FGFR1OP2: variants seen among roughly 807,000 people sequenced by gnomAD.
FGFR1OP2 encodes fibroblast growth factor receptor 1 oncogene partner 2.
A neutral mutation model predicts 35.2 loss-of-function variants in FGFR1OP2; 17 were observed. The ratio of observed to expected loss-of-function variants is 0.48; its 90% CI spans 0.33 to 0.73. The LOEUF (loss-of-function observed/expected upper bound fraction) is 0.73, where lower values mean the gene tolerates loss of function less well. Ranked by LOEUF, FGFR1OP2 falls within the 30% of genes least tolerant of loss-of-function variation. FGFR1OP2 has a pLI of 0.02. For missense variants in FGFR1OP2, 251 were observed against 307.3 expected, an observed-to-expected ratio of 0.82 and a Z score of 1.37; for synonymous variants, 105 against 104.6, an observed-to-expected ratio of 1.00 and a Z score of -0.03.
chr12:26,960,425 C>T (rs1319746921), intron 4 of FGFR1OP2, 90 bp from the exon 5 acceptor site: 1 of 748,416 alleles, frequency 1.3e-6, no homozygotes, highest in Non-Finnish European at 1.9e-6. Context: ...ACATTTCAAA[C>T]AGTTGGCTAA....
intron 5 of FGFR1OP2, 184 bp downstream of exon 5, chr12:26,960,812 C>A: frequency 1.0e-6 from 1 of 956,058 alleles, no homozygotes; most frequent in Non-Finnish European, 1.4e-6. Context: ...CATTAATTTT[C>A]TGTGTATTGT....
intron 1 of FGFR1OP2, among the ~76,000 whole-genome samples, chr12:26,948,538 T>C (rs1016300704): frequency 3.3e-5 from 5 of 152,234 alleles, no homozygotes; most frequent in African/African-American, 7.2e-5. Context: ...ATGAGTAATA[T>C]GTCATTTTTC....
intron 1 of FGFR1OP2, chr12:26,953,619 G>A (rs1938972915): frequency 6.6e-6 from 1 of 152,180 alleles, no homozygotes; most frequent in South Asian, 2.1e-4. Context: ...AAGAGGTTGA[G>A]ACTTTAATGT....
intron 1 of FGFR1OP2, among the ~76,000 whole-genome samples, chr12:26,946,897 T>C (rs1938833502): frequency 6.6e-6 from 1 of 152,178 alleles, no homozygotes; most frequent in African/African-American, 2.4e-5. Context: ...TGGATTTGCC[T>C]CTTTTGGACA....
chr12:26,956,494 A>G (rs547781993), intron 2 of FGFR1OP2, 49 bp from the exon 3 acceptor site: 1 of 422,724 alleles, frequency 2.4e-6, no homozygotes, highest in Admixed American at 4.2e-5. Context: ...ATATATATAT[A>G]TATATATTTG....
At chr12:26,958,530 ATG>A (rs993370328) in intron 4 of FGFR1OP2, among the ~76,000 whole-genome samples, 1 of 152,222 alleles carries the variant, frequency 6.6e-6, no homozygotes, top group African/African-American at 2.4e-5. Flanking sequence ...CAGACTATAA[ATG>A]ATCTTGTTTA....
intron 3 of FGFR1OP2, 132 bp downstream of exon 3, chr12:26,956,792 A>G (rs982406056): frequency 9.8e-6 from 4 of 409,818 alleles, no homozygotes; most frequent in Non-Finnish European, 1.8e-5. Context: ...CACCCTTAAT[A>G]TCCAGTTAGC....
chr12:26,950,088 G>A (rs1938894224), intron 1 of FGFR1OP2, among the ~76,000 whole-genome samples: 1 of 151,822 alleles, frequency 6.6e-6, no homozygotes, highest in Admixed American at 6.6e-5. Context: ...TTTAGTCAAA[G>A]CATCCCGCTT....
chr12:26,953,654 G>T (rs892698298), intron 1 of FGFR1OP2: 1 of 152,120 alleles, frequency 6.6e-6, no homozygotes, highest in African/African-American at 2.4e-5. Flanking sequence ...AGGCCACTTC[G>T]GCTGGTCAGC....
intron 5 of FGFR1OP2, chr12:26,963,118 T>C: frequency 2.9e-6 from 1 of 350,678 alleles, no homozygotes; most frequent in Non-Finnish European, 5.1e-6. Flanking sequence ...TGCTGCTAGG[T>C]TTAGTTATAT....
chr12:26,957,845 C>T, intron 4 of FGFR1OP2, 102 bp downstream of exon 4: 1 of 902,406 alleles, frequency 1.1e-6, no homozygotes, highest in Non-Finnish European at 1.6e-6. Flanking sequence ...CTAGTAATGG[C>T]ATTTTAACAT....
intron 1 of FGFR1OP2, among the ~76,000 whole-genome samples, chr12:26,949,122 AT>A (rs1272959826): frequency 1.3e-5 from 2 of 152,198 alleles, no homozygotes; most frequent in Admixed American, 1.3e-4. Context: ...TTAGTCGTTG[AT>A]TCACCATTAC....
In FGFR1OP2 at chr12:26,966,184, A is replaced by T. The variant is rs1939176975; in HGVS notation, c.*1451A>T. On this transcript the variant is annotated 3_prime_UTR_variant, in exon 7 of 7. Coordinates refer to ENST00000229395, the MANE Select transcript of FGFR1OP2 (RefSeq NM_015633.3). ...ATAGAAAAGGGCTAATGGCCCAAAC[A>T]TTATATAGATTTCTTTTTTTCAGTC... The T allele has an allele frequency of 1.3e-5, 2 of 152,074 alleles. No individual in the cohort carries two copies. The highest frequency in any genetic ancestry group is 2.9e-5 in the Non-Finnish European group (2 of 67,958). The allele number at this position is 152,074 out of a possible 1,614,324, so 9.4% of individuals were successfully genotyped here.
rs115730874 is a variant in FGFR1OP2, at chr12:26,947,417, T to C, written c.-14-6728T>C. On this transcript the variant is annotated intron_variant, in intron 1 of 6. Coordinates refer to ENST00000229395, the MANE Select transcript of FGFR1OP2 (RefSeq NM_015633.3). ...ACAGTATATCCTCTTTTCCATCCTT[T>C]TAACTTTTTTTTTGGAGGCAGGGTC... Among the ~76,000 whole-genome samples the C allele has an allele frequency of 3.6e-3, 545 of 152,340 alleles. 1 individual carries two copies. The highest frequency in any genetic ancestry group is 0.013 in the African/African-American group (523 of 41,572).
At chr12:26,953,767 A>G (rs1339520398) in intron 1 of FGFR1OP2, 1 of 153,874 alleles carries the variant, frequency 6.5e-6, no homozygotes, top group Admixed American at 6.5e-5. Context: ...AATACTGACC[A>G]GTAAACCAAA....
At chr12:26,949,162 T>G (rs1242862640) in intron 1 of FGFR1OP2, among the ~76,000 whole-genome samples, 2 of 152,136 alleles carry the variant, frequency 1.3e-5, no homozygotes, top group Non-Finnish European at 2.9e-5. Flanking sequence ...TGAGATGGAG[T>G]TTCGCTTTTG....
intron 4 of FGFR1OP2, among the ~76,000 whole-genome samples, chr12:26,959,487 T>C (rs1435163527): frequency 1.3e-5 from 2 of 152,112 alleles, no homozygotes; most frequent in Non-Finnish European, 2.9e-5. Context: ...AAGAATACCA[T>C]TACAAAAAAA....
intron 1 of FGFR1OP2, among the ~76,000 whole-genome samples, chr12:26,951,751 T>G (rs923509991): frequency 1.3e-5 from 2 of 152,192 alleles, no homozygotes; most frequent in African/African-American, 4.8e-5. Context: ...GAGGGCTATT[T>G]AGCTATCTGA....
intron 1 of FGFR1OP2, among the ~76,000 whole-genome samples, chr12:26,941,938 C>T (rs745512656): frequency 1.7e-4 from 26 of 152,166 alleles, no homozygotes; most frequent in Non-Finnish European, 2.8e-4. Context: ...TCCAGTGTGG[C>T]TTAGGAATAG....
Sources: gnomAD v4.1 joint callset for allele counts (sites outside exome capture counted in the v4.1 genomes callset) on GRCh38, gnomAD v4.1.1 for gene constraint, MANE v1.5 for transcripts, NCBI Gene and HGNC (gene_info 2026-07-23, HGNC 2026-07-21) for gene names.